SLC25A21: variants seen among roughly 807,000 people sequenced by gnomAD.
SLC25A21 encodes the protein mitochondrial 2-oxodicarboxylate carrier.
A neutral mutation model predicts 43.8 loss-of-function variants in SLC25A21; 47 were observed. That is an observed-to-expected ratio of 1.07 (90% CI 0.85 to 1.37). The LOEUF (loss-of-function observed/expected upper bound fraction) is 1.37, where lower values mean the gene tolerates loss of function less well. SLC25A21 is among the 40% of genes most tolerant of loss of function. The probability of loss-of-function intolerance (pLI) is 0.00; values close to 1 mark genes in which losing one functional copy is unlikely to be tolerated. For missense variants in SLC25A21, 352 were observed against 350.2 expected (o/e 1.00, Z -0.04); for synonymous variants, 131 against 121.3 (o/e 1.08, Z -0.52).
At chr14:36,908,554 A>G (rs1891595526) in intron 1 of SLC25A21, among the ~76,000 whole-genome samples, 1 of 152,232 alleles carries the variant, frequency 6.6e-6, no homozygotes, top group South Asian at 2.1e-4. Flanking sequence ...GAAATCTTTT[A>G]TGATTTCCAT....
At chr14:36,913,998 C>T (rs916332404) in intron 1 of SLC25A21, among the ~76,000 whole-genome samples, 2 of 152,106 alleles carry the variant, frequency 1.3e-5, no homozygotes, top group Non-Finnish European at 2.9e-5. Context: ...CATATAACAT[C>T]GAACTATTAT....
intron 1 of SLC25A21, among the ~76,000 whole-genome samples, chr14:36,984,662 T>A (rs1960105594): frequency 6.6e-6 from 1 of 152,104 alleles, no homozygotes; most frequent in African/African-American, 2.4e-5. Context: ...TGGTGATTTT[T>A]AAAAATTGTG....
chr14:37,133,582 A>C (rs953876433), intron 1 of SLC25A21, among the ~76,000 whole-genome samples: 4 of 151,742 alleles, frequency 2.6e-5, no homozygotes, highest in Non-Finnish European at 5.9e-5. Context: ...ATCTCCCCTA[A>C]ATAGAATCTA....
chr14:36,882,507 C>G (rs1205405789), intron 1 of SLC25A21, among the ~76,000 whole-genome samples: 1 of 152,178 alleles, frequency 6.6e-6, no homozygotes, highest in Non-Finnish European at 1.5e-5. Flanking sequence ...AATGGTATCT[C>G]TAGGTTGTGA....
intron 2 of SLC25A21, among the ~76,000 whole-genome samples, chr14:36,819,551 A>G (rs848076): frequency 0.18 from 27,394 of 152,092 alleles, 2,847 homozygotes; most frequent in Middle Eastern, 0.24. Flanking sequence ...CAAAAGAAAG[A>G]TATGCCTGTA....
At chr14:36,734,437 TA>T (rs5807904) in intron 4 of SLC25A21, 69 bp downstream of exon 4, 758,652 of 1,151,876 alleles carry the variant, frequency 0.66, 255,167 homozygotes, top group African/African-American at 0.92. Flanking sequence ...TTTAATGTCT[TA>T]AGAGTTTGTT....
chr14:36,990,292 C>T (rs1960234593), intron 1 of SLC25A21, among the ~76,000 whole-genome samples: 1 of 152,108 alleles, frequency 6.6e-6, no homozygotes, highest in Admixed American at 6.6e-5. Context: ...CCTTCCCAGC[C>T]CCAGCAGTGC....
chr14:36,856,675 G>T (rs1325013467), intron 2 of SLC25A21, among the ~76,000 whole-genome samples: 3 of 152,212 alleles, frequency 2.0e-5, no homozygotes, highest in East Asian at 3.9e-4. Flanking sequence ...ACCCGCCCTG[G>T]CACGTTGCTG....
At chr14:36,723,133 G>A (rs1010411031) in intron 6 of SLC25A21, among the ~76,000 whole-genome samples, 10 of 152,214 alleles carry the variant, frequency 6.6e-5, no homozygotes, top group African/African-American at 2.4e-4. Flanking sequence ...TTGAGTCCTA[G>A]ATAAAAGACC....
chr14:36,988,338 A>G (rs1960190549), intron 1 of SLC25A21, among the ~76,000 whole-genome samples: 1 of 152,172 alleles, frequency 6.6e-6, no homozygotes, highest in South Asian at 2.1e-4. Context: ...TAGATAAAAC[A>G]GGGTACGTGT....
chr14:36,711,088 C>T (rs1419422770), intron 7 of SLC25A21, among the ~76,000 whole-genome samples: 2 of 152,216 alleles, frequency 1.3e-5, no homozygotes, highest in East Asian at 3.9e-4. Flanking sequence ...GGGTTCAGTC[C>T]TCAACTTTAC....
rs186620703 is a variant in SLC25A21, at chr14:36,757,625, T to C, written c.204-23052A>G. On this transcript the variant is annotated intron_variant, in intron 3 of 9. Transcript: ENST00000331299. The stretch of plus-strand genomic sequence containing the variant: ...TATCTCATTCCTTTTCATAGCTGTC[T>C]TGTATTTCATTGTATGAAGGTGCTA... 2.1e-3 allele frequency among the ~76,000 whole-genome samples: 316 copies of C among 152,334 alleles called. 1 individual carries two copies. Among genetic ancestry groups the C allele is most frequent in the East Asian group, 6.9e-3 (36 of 5,184 alleles).
intron 2 of SLC25A21, chr14:36,828,826 A>G (rs1888930433): frequency 1.3e-5 from 2 of 152,174 alleles, no homozygotes; most frequent in Non-Finnish European, 2.9e-5. Flanking sequence ...CCTAGTGACC[A>G]TCACTTACTC....
At chr14:36,732,652 A>G (rs1289218270) in intron 4 of SLC25A21, among the ~76,000 whole-genome samples, 1 of 151,846 alleles carries the variant, frequency 6.6e-6, no homozygotes, top group Non-Finnish European at 1.5e-5. Context: ...ACACACACAC[A>G]CCCCGCCCCC....
At chr14:37,098,293 C>T (rs1252055931) in intron 1 of SLC25A21, 1 of 152,108 alleles carries the variant, frequency 6.6e-6, no homozygotes, top group East Asian at 1.9e-4. Flanking sequence ...GTATAGAGTC[C>T]TAGAAAGCGT....
intron 7 of SLC25A21, among the ~76,000 whole-genome samples, chr14:36,693,114 G>C (rs1338166408): frequency 1.3e-5 from 2 of 152,192 alleles, no homozygotes; most frequent in Non-Finnish European, 2.9e-5. Flanking sequence ...ATGCATGAAG[G>C]AACTGCAGAA....
intron 1 of SLC25A21, among the ~76,000 whole-genome samples, chr14:37,148,279 G>T (rs963286887): frequency 6.6e-6 from 1 of 152,138 alleles, no homozygotes; most frequent in African/African-American, 2.4e-5. Context: ...CAAAGTAAAA[G>T]ATGTCCTTGA....
At chr14:36,984,873 T>A (rs573781949) in intron 1 of SLC25A21, among the ~76,000 whole-genome samples, 6 of 151,884 alleles carry the variant, frequency 4.0e-5, no homozygotes, top group Admixed American at 2.6e-4. Flanking sequence ...AGACACATGC[T>A]CACGTATGTT....
intron 1 of SLC25A21, among the ~76,000 whole-genome samples, chr14:37,053,171 T>C (rs1240643755): frequency 6.6e-6 from 1 of 152,224 alleles, no homozygotes; most frequent in Non-Finnish European, 1.5e-5. Flanking sequence ...CAATGTTTTA[T>C]ATCCTATGAA....
Sources: gnomAD v4.1 joint callset for allele counts (sites outside exome capture counted in the v4.1 genomes callset) on GRCh38, gnomAD v4.1.1 for gene constraint, MANE v1.5 for transcripts, NCBI Gene and HGNC (gene_info 2026-07-23, HGNC 2026-07-21) for gene names.